MED12L: variants seen among roughly 807,000 people sequenced by gnomAD.
MED12L encodes mediator complex subunit 12L, also known as mediator of RNA polymerase II transcription subunit 12-like protein.
MED12L carries 60 observed loss-of-function variants against 281.3 expected under a neutral mutation model. The ratio of observed to expected loss-of-function variants is 0.21; its 90% confidence interval spans 0.17 to 0.26. The LOEUF (loss-of-function observed/expected upper bound fraction) is 0.26. Among genes scored for constraint, MED12L ranks in the 10% least tolerant of loss-of-function variants. The pLI is 1.00. For missense variants in MED12L, 2,146 were observed against 2,680.9 expected, an observed-to-expected ratio of 0.80 and a Z score of 4.41; for synonymous variants, 974 against 987.2, an observed-to-expected ratio of 0.99 and a Z score of 0.25.
At chr3:151,337,330 C>G (rs1266034271) in intron 16 of MED12L, 1 of 155,120 alleles carries the variant, frequency 6.4e-6, no homozygotes, top group Admixed American at 6.4e-5. Flanking sequence ...GTGTATCCCA[C>G]TTACTTAAAT....
intron 11 of MED12L, among the ~76,000 whole-genome samples, chr3:151,182,155 T>C (rs1180327150): frequency 2.0e-5 from 3 of 152,210 alleles, no homozygotes; most frequent in Non-Finnish European, 2.9e-5. Context: ...ATTTAGAGAT[T>C]AGAGCAAGCT....
chr3:151,204,613 G>A (rs1166161077), intron 16 of MED12L, among the ~76,000 whole-genome samples: 1 of 152,162 alleles, frequency 6.6e-6, no homozygotes, highest in Non-Finnish European at 1.5e-5. Context: ...ACTCACTGAA[G>A]AACATACTTG....
intron 44 of MED12L, among the ~76,000 whole-genome samples, chr3:151,432,091 G>A (rs1010027188): frequency 3.3e-5 from 5 of 152,208 alleles, no homozygotes; most frequent in Admixed American, 3.3e-4. Context: ...CACAACTCCA[G>A]AGGGCTCCTT....
At chr3:151,382,977 T>TCTCTAC (rs1712669984) in intron 33 of MED12L, among the ~76,000 whole-genome samples, 1 of 152,188 alleles carries the variant, frequency 6.6e-6, no homozygotes, top group African/African-American at 2.4e-5. Flanking sequence ...AGATTTGCCT[T>TCTCTAC]CTCTACCTCT....
At chr3:151,274,810 T>C (rs900690549) in intron 16 of MED12L, among the ~76,000 whole-genome samples, 1 of 152,356 alleles carries the variant, frequency 6.6e-6, no homozygotes, top group Admixed American at 6.5e-5. Context: ...TCTGTTAGAA[T>C]GTAAGCCACC....
At position 151,364,983 on chromosome 3, in the gene MED12L, G is replaced by T. The variant is rs200478225; in HGVS notation, c.2962G>T (p.Ala988Ser). The change falls in exon 22 of 45, where the codon GCC (alanine) becomes TCC (serine). Residue 988 changes from alanine to serine, a missense_variant. Ala to Ser is a moderately conservative substitution (Grantham distance 99). This residue lies in a region of MED12L where 404 missense variants were observed against 603.5 expected (regional missense o/e 0.67). Coordinates refer to ENST00000687756, the MANE Select transcript of MED12L (RefSeq NM_001393769.1). The part of the protein sequence containing the change: ...RSKFGDLFSS[A>S]CSKVKQTIYN... ...CTTTTTTTCTTATAACCTCAGTAGT[G>T]CCTGTTCAAAAGTAAAGCAAACCAT... is the stretch of plus-strand genomic sequence containing the variant. The T allele has an allele frequency of 1.2e-6, 2 of 1,611,734 alleles. No homozygotes were observed. The highest frequency in any genetic ancestry group is 1.3e-5 in the African/African-American group (1 of 74,878).
At chr3:151,296,760 A>T (rs1745153104) in intron 16 of MED12L, among the ~76,000 whole-genome samples, 1 of 152,014 alleles carries the variant, frequency 6.6e-6, no homozygotes, top group Non-Finnish European at 1.5e-5. Flanking sequence ...CACCTTTTGG[A>T]GGTAAGGTTA....
At chr3:151,131,863 C>T (rs1003670207) in intron 5 of MED12L, among the ~76,000 whole-genome samples, 4 of 152,018 alleles carry the variant, frequency 2.6e-5, no homozygotes, top group Admixed American at 6.6e-5. Flanking sequence ...GGTTATTTTT[C>T]TCCCCACCAA....
At chr3:151,309,928 G>A (rs563174593) in intron 16 of MED12L, among the ~76,000 whole-genome samples, 1 of 152,210 alleles carries the variant, frequency 6.6e-6, no homozygotes, top group South Asian at 2.1e-4. Context: ...CTTCTGAAGT[G>A]AAATGGTACA....
At chr3:151,242,066 G>A (rs1418458264) in intron 16 of MED12L, among the ~76,000 whole-genome samples, 2 of 152,058 alleles carry the variant, frequency 1.3e-5, no homozygotes, top group Non-Finnish European at 2.9e-5. Flanking sequence ...CTTTTCCGAC[G>A]GGCTTAAAAA....
At chr3:151,146,528 CA>C (rs1717783570) in intron 5 of MED12L, among the ~76,000 whole-genome samples, 4 of 152,226 alleles carry the variant, frequency 2.6e-5, no homozygotes, top group Middle Eastern at 6.8e-3. Flanking sequence ...TTTGCTGCTA[CA>C]TATTGATGGG....
intron 16 of MED12L, among the ~76,000 whole-genome samples, chr3:151,254,291 A>G (rs1737403935): frequency 6.6e-6 from 1 of 152,134 alleles, no homozygotes; most frequent in African/African-American, 2.4e-5. Flanking sequence ...TATGTCCACA[A>G]TTTTTGGATA....
Position 151,185,410 on chromosome 3 carries a change from C to T in MED12L, c.1575C>T (p.Ala525=), listed in dbSNP as rs773710827. 1.2e-6 allele frequency: 2 copies of T among 1,613,774 alleles called. No individual in the cohort carries two copies. Among genetic ancestry groups the T allele is most frequent in the Non-Finnish European group, 1.7e-6 (2 of 1,179,964 alleles). ...VSCKRSGKHR[A]MAVAKLLEKR... ...GCAAACGGTCTGGCAAGCACAGGGC[C>T]ATGGCTGTGGCAAAACTCCTGGAGA... The change falls in exon 12 of 45, where the codon GCC becomes GCT. Residue 525 remains alanine, a synonymous_variant. Coordinates refer to ENST00000687756, the MANE Select transcript of MED12L (RefSeq NM_001393769.1).
At chr3:151,354,931 C>G (rs1032339879) in intron 17 of MED12L, among the ~76,000 whole-genome samples, 190 bp from the exon 18 acceptor site, 2 of 152,064 alleles carry the variant, frequency 1.3e-5, no homozygotes, top group Non-Finnish European at 2.9e-5. Flanking sequence ...CCTAGAGAGG[C>G]CTGAGGGAGT....
chr3:151,215,426 C>G (rs1165336866), intron 16 of MED12L, among the ~76,000 whole-genome samples: 1 of 151,694 alleles, frequency 6.6e-6, no homozygotes, highest in Non-Finnish European at 1.5e-5. Flanking sequence ...TCTACAAATG[C>G]TCTATTAAAT....
At chr3:151,226,033 C>A (rs1163987757) in intron 16 of MED12L, among the ~76,000 whole-genome samples, 2 of 152,148 alleles carry the variant, frequency 1.3e-5, no homozygotes, top group Non-Finnish European at 2.9e-5. Context: ...TGCTGCCATG[C>A]CCTATGGAAA....
In MED12L at chr3:151,423,016, A is replaced by AATATAT. The variant is rs56738899; in HGVS notation, c.6408+6607_6408+6612dup. ...TTAATGCATTCTAGGAGATCATAAA[A>AATATAT]ATATATATATATATATATTTTGAAA... On this transcript the variant is annotated intron_variant, in intron 43 of 44. Coordinates refer to ENST00000687756, the MANE Select transcript of MED12L (RefSeq NM_001393769.1). Among the ~76,000 whole-genome samples, 291 of 141,726 alleles carry AATATAT rather than the reference A, an allele frequency of 2.1e-3. 1 individual carries two copies. The highest frequency in any genetic ancestry group is 3.6e-3 in the Middle Eastern group (1 of 274). The allele number at this position is 141,726 out of a possible 152,430, so 93.0% of individuals were successfully genotyped here.
chr3:151,234,182 A>G (rs1397020452), intron 16 of MED12L, among the ~76,000 whole-genome samples: 2 of 152,242 alleles, frequency 1.3e-5, no homozygotes, highest in Non-Finnish European at 2.9e-5. Context: ...AATAACCCAG[A>G]TGATTATTGA....
chr3:151,260,147 T>C (rs1330728006), intron 16 of MED12L, among the ~76,000 whole-genome samples: 2 of 152,140 alleles, frequency 1.3e-5, no homozygotes, highest in African/African-American at 4.8e-5. Context: ...GTTTCAGTTG[T>C]GGAAAGAATG....
Sources: gnomAD v4.1 joint callset for allele counts (sites outside exome capture counted in the v4.1 genomes callset) on GRCh38, gnomAD v4.1.1 for gene constraint, gnomAD v4.1.1 regional missense constraint, MANE v1.5 for transcripts, NCBI Gene and HGNC (gene_info 2026-07-23, HGNC 2026-07-21) for gene names.